The following C12orf42 variants were observed in gnomAD, a reference collection of about 807,000 sequenced individuals.
C12orf42 encodes uncharacterized protein C12orf42.
In C12orf42, 25 loss-of-function variants were observed where a neutral mutation model predicts 21.6. The observed-to-expected ratio is 1.16, with a 90% CI of 0.84 to 1.62. C12orf42 has a LOEUF of 1.62. Ranked by LOEUF, C12orf42 falls within the 40% of genes most tolerant of loss-of-function variation. C12orf42 has a pLI of 0.00. For missense variants in C12orf42, 483 were observed against 459.3 expected, an observed-to-expected ratio of 1.05 and a Z score of -0.47; for synonymous variants, 174 against 175.0, an observed-to-expected ratio of 0.99 and a Z score of 0.05.
Position 103,368,995 on chromosome 12 carries a change from T to C in C12orf42, c.151A>G (p.Ile51Val). Residue 51 changes from isoleucine (I) to valine (V), a missense_variant, in exon 4 of 6, where the codon ATC becomes GTC. Physicochemically the swap from Ile to Val is conservative, Grantham distance 29 (BLOSUM62 3). Coordinates refer to ENST00000548883, the MANE Select transcript of C12orf42 (RefSeq NM_198521.5). ...ACTGAAGTTCTTTCATAACAAGGGA[T>C]GTGCTGTAAGATAGAGGAGAAAAAT... is the stretch of plus-strand genomic sequence containing the variant. ...WDRSTPSAKH[I>V]PCYERTSVPC... The C allele has an allele frequency of 6.4e-7, 1 of 1,566,484 alleles. No homozygotes were observed. The highest frequency in any genetic ancestry group is 8.7e-7 in the Non-Finnish European group (1 of 1,146,448).
intron 3 of C12orf42, among the ~76,000 whole-genome samples, chr12:103,376,022 A>G (rs1054593677): frequency 6.6e-6 from 1 of 152,216 alleles, no homozygotes; most frequent in African/African-American, 2.4e-5. Context: ...AGTGTATTCA[A>G]TTGGCCATAT....
intron 10 of C12orf42, among the ~76,000 whole-genome samples, chr12:103,255,083 A>C (rs1178111036): frequency 6.6e-6 from 1 of 152,148 alleles, no homozygotes; most frequent in Non-Finnish European, 1.5e-5. Context: ...TATCATACAG[A>C]ATATGTGGGC....
At chr12:103,241,064 C>A (rs1238023409) in intron 10 of C12orf42, among the ~76,000 whole-genome samples, 1 of 151,726 alleles carries the variant, frequency 6.6e-6, no homozygotes, top group African/African-American at 2.4e-5. Flanking sequence ...TTTCTATTAA[C>A]CTACATTTTT....
the C12orf42 span, among the ~76,000 whole-genome samples, chr12:103,129,062 A>C: frequency 3.3e-5 from 5 of 152,202 alleles, no homozygotes; most frequent in East Asian, 7.7e-4. Context: ...TGCATCTGTC[A>C]GTCATCAGTG....
At chr12:103,545,067 G>A in the C12orf42 span, among the ~76,000 whole-genome samples, 1 of 152,146 alleles carries the variant, frequency 6.6e-6, no homozygotes, top group African/African-American at 2.4e-5. Context: ...AGCCTCAAAT[G>A]GAAAGTGTCT....
intron 2 of C12orf42, among the ~76,000 whole-genome samples, chr12:103,453,947 G>A (rs1224498953): frequency 1.3e-5 from 2 of 152,042 alleles, no homozygotes; most frequent in Non-Finnish European, 2.9e-5. Context: ...AATAAAAAGA[G>A]AGAAAACACC....
At chr12:103,350,339 T>A (rs948198536) in intron 4 of C12orf42, among the ~76,000 whole-genome samples, 5 of 152,200 alleles carry the variant, frequency 3.3e-5, no homozygotes, top group African/African-American at 1.2e-4. Flanking sequence ...AGTGTATCCA[T>A]GCTGCACATG....
intron 2 of C12orf42, among the ~76,000 whole-genome samples, chr12:103,448,829 C>T (rs1319921450): frequency 2.6e-5 from 4 of 151,854 alleles, no homozygotes; most frequent in Non-Finnish European, 5.9e-5. Context: ...CACTTTTACA[C>T]TGTTGGTGGG....
At chr12:103,268,707 C>T (rs1593245455) in exon 7 of C12orf42, 1 of 151,978 alleles carries the variant, frequency 6.6e-6, no homozygotes, top group East Asian at 1.9e-4. Flanking sequence ...CTCTAGAAGG[C>T]AATTGATAAT....
the C12orf42 span, among the ~76,000 whole-genome samples, chr12:103,155,673 T>C: frequency 2.4e-3 from 368 of 151,834 alleles, 1 homozygote; most frequent in African/African-American, 8.7e-3. Context: ...TACATATATA[T>C]ACATACATAT....
At position 103,302,123 on chromosome 12, in the gene C12orf42, A is replaced by G. The variant is rs765024720; in HGVS notation, c.1068T>C (p.Asn356=). 2 of 1,609,730 alleles carry G rather than the reference A, an allele frequency of 1.2e-6. No individual in the cohort carries two copies. Among genetic ancestry groups the G allele is most frequent in the Non-Finnish European group, 8.5e-7 (1 of 1,178,102 alleles). The change falls in exon 6 of 6, where the codon AAT becomes AAC. Residue 356 remains asparagine, a synonymous_variant. Coordinates refer to ENST00000548883, the MANE Select transcript of C12orf42 (RefSeq NM_198521.5). The stretch of plus-strand genomic sequence containing the variant: ...CTCGCAGCGGTCAATGTAAGTGAGC[A>G]TTCACCACCGGCCTAGAAAGGGCCT... ...CSQALSRPVV[N]AHLH is the part of the protein sequence containing the mutation.
At chr12:103,319,262 C>T (rs1410396831) in intron 4 of C12orf42, among the ~76,000 whole-genome samples, 1 of 152,172 alleles carries the variant, frequency 6.6e-6, no homozygotes, top group African/African-American at 2.4e-5. Flanking sequence ...TCCCCTCATG[C>T]TAGAGAATTC....
At chr12:103,234,358 G>C (rs1003259065), downstream of C12orf42, among the ~76,000 whole-genome samples, 1 of 152,024 alleles carries the variant, frequency 6.6e-6, no homozygotes, top group African/African-American at 2.4e-5. Context: ...ATAATTTTGT[G>C]TGTGATTGTT....
the C12orf42 span, among the ~76,000 whole-genome samples, chr12:103,083,502 T>A: frequency 4.6e-5 from 7 of 152,224 alleles, no homozygotes; most frequent in Non-Finnish European, 8.8e-5. Flanking sequence ...AAGGCCAAAC[T>A]AGTTCATCTC....
At chr12:103,470,320 T>C (rs1953492156) in intron 2 of C12orf42, among the ~76,000 whole-genome samples, 1 of 152,166 alleles carries the variant, frequency 6.6e-6, no homozygotes, top group Non-Finnish European at 1.5e-5. Context: ...CAAAGTTGTT[T>C]CAGAATTAAC....
At chr12:103,246,521 T>C (rs2034016541) in intron 10 of C12orf42, among the ~76,000 whole-genome samples, 1 of 152,096 alleles carries the variant, frequency 6.6e-6, no homozygotes, top group East Asian at 1.9e-4. Flanking sequence ...CAAACTTAAT[T>C]AAACTGATTT....
At position 103,258,968 on chromosome 12, in the gene C12orf42, A is replaced by G. The variant is rs750405767; in HGVS notation, c.*1366+4358T>C. Among the ~76,000 whole-genome samples the G allele has an allele frequency of 5.7e-4, 87 of 152,312 alleles. 2 individuals carry two copies. Among genetic ancestry groups the G allele is most frequent in the Non-Finnish European group, 2.8e-4 (19 of 68,018 alleles). ...ATATGCTGATCATAAAATTCACATAAGAGAAAAAATGGCCAAGCAATTTTT... is the reference window on the plus strand; with the variant it reads ...ATATGCTGATCATAAAATTCACATAGGAGAAAAAATGGCCAAGCAATTTTT... On this transcript the variant is annotated intron_variant and NMD_transcript_variant, in intron 10 of 10. Transcript: ENST00000547347.
chr12:103,170,043 T>C, the C12orf42 span, among the ~76,000 whole-genome samples: 29 of 152,254 alleles, frequency 1.9e-4, no homozygotes, highest in African/African-American at 6.5e-4. Context: ...GTCAAGAAGC[T>C]AAAAGGCAAG....
intron 2 of C12orf42, among the ~76,000 whole-genome samples, chr12:103,411,735 C>CT (rs2048864046): frequency 1.3e-5 from 2 of 152,178 alleles, no homozygotes; most frequent in African/African-American, 4.8e-5. Context: ...CTTGGACTTC[C>CT]CATCCTCCAG....
Sources: allele counts gnomAD v4.1 joint callset (sites outside exome capture counted in the v4.1 genomes callset), GRCh38; gene constraint gnomAD v4.1.1; transcripts MANE v1.5; gene names NCBI Gene and HGNC (gene_info 2026-07-23, HGNC 2026-07-21).